Variants in FNIP2 observed in about 807,000 individuals in gnomAD.
FNIP2 encodes the protein folliculin interacting protein 2, also known as folliculin-interacting protein 2.
FNIP2 carries 32 observed loss-of-function variants against 108.7 expected under a neutral mutation model. The observed-to-expected ratio is 0.29, with a 90% CI of 0.22 to 0.40. FNIP2 has a LOEUF of 0.40. FNIP2 is among the 10% of genes least tolerant of loss of function. FNIP2 has a pLI of 1.00. For synonymous variants in FNIP2, 480 were observed against 496.7 expected, an observed-to-expected ratio of 0.97 and a Z score of 0.45; for missense variants, 1,202 against 1,381.6, an observed-to-expected ratio of 0.87 and a Z score of 2.06.
intron 14 of FNIP2, among the ~76,000 whole-genome samples, chr4:158,881,352 G>GTCTCCC (rs564481604): frequency 0.018 from 2,187 of 122,184 alleles, 133 homozygotes; most frequent in Non-Finnish European, 0.028. Flanking sequence ...TCTTTCCACG[G>GTCTCCC]TCTCCCTCTC....
chr4:158,775,376 T>A (rs1037488825), intron 1 of FNIP2, among the ~76,000 whole-genome samples: 2 of 152,226 alleles, frequency 1.3e-5, no homozygotes, highest in Non-Finnish European at 2.9e-5. Flanking sequence ...GAGTTCCTAC[T>A]TACCAAGCAT....
chr4:158,893,621 A>G, intron 15 of FNIP2: 1 of 1,258,706 alleles, frequency 7.9e-7, no homozygotes, highest in Non-Finnish European at 1.1e-6. Context: ...GCACTTGTGG[A>G]TTATTATGAT....
rs1778332923 is a variant in FNIP2, at chr4:158,829,277, G to C, written c.381+52G>C. ...GCCCCTGAGGTTAAAGTTATTTACT[G>C]TAATTTCTCCTTGGGAAATAATGCC... On this transcript the variant is annotated intron_variant, in intron 3 of 16. Coordinates refer to ENST00000264433, the MANE Select transcript of FNIP2 (RefSeq NM_020840.3). The C allele has an allele frequency of 4.1e-6, 6 of 1,463,300 alleles. No individual in the cohort carries two copies. In the South Asian group the frequency reaches 8.4e-5, roughly 20 times the overall value. The allele number at this position is 1,463,300 out of a possible 1,614,324, so 90.6% of individuals were successfully genotyped here. A position where few individuals can be genotyped will look rare whatever the true frequency, so the allele number is the denominator to read the frequency against.
chr4:158,872,747 T>C, intron 14 of FNIP2: 1 of 980,822 alleles, frequency 1.0e-6, no homozygotes, highest in African/African-American at 1.8e-5. Context: ...TTTTTTTTTT[T>C]TTTTAAAAAA....
At chr4:158,819,510 T>TA (rs1777761904) in intron 1 of FNIP2, among the ~76,000 whole-genome samples, 1 of 152,260 alleles carries the variant, frequency 6.6e-6, no homozygotes, top group African/African-American at 2.4e-5. Flanking sequence ...GGTGATTTTT[T>TA]ATGCAGTTCC....
intron 14 of FNIP2, 115 bp downstream of exon 14, chr4:158,870,584 G>A (rs903636648): frequency 1.5e-6 from 2 of 1,342,142 alleles, no homozygotes; most frequent in African/African-American, 1.5e-5. Flanking sequence ...TTATGGAGAT[G>A]TGGGCAGGGT....
intron 2 of FNIP2, among the ~76,000 whole-genome samples, chr4:158,826,955 G>A (rs1456421046): frequency 6.6e-6 from 1 of 152,168 alleles, no homozygotes; most frequent in African/African-American, 2.4e-5. Context: ...AGTTTATAAC[G>A]CAGTCTTTGT....
At chr4:158,843,521 G>A (rs1779236432) in intron 7 of FNIP2, among the ~76,000 whole-genome samples, 1 of 152,178 alleles carries the variant, frequency 6.6e-6, no homozygotes, top group Non-Finnish European at 1.5e-5. Flanking sequence ...TTCAATAAAG[G>A]AGAGACAGAT....
At chr4:158,828,191 A>G (rs1456562137) in intron 2 of FNIP2, among the ~76,000 whole-genome samples, 1 of 152,222 alleles carries the variant, frequency 6.6e-6, no homozygotes, top group Non-Finnish European at 1.5e-5. Context: ...TTTGAAGACC[A>G]TATTTCCATC....
intron 1 of FNIP2, among the ~76,000 whole-genome samples, chr4:158,797,914 C>T (rs1776640387): frequency 1.3e-5 from 2 of 152,238 alleles, no homozygotes; most frequent in South Asian, 4.1e-4. Context: ...TCTCCCACAC[C>T]ACTGGGAGAC....
At chr4:158,860,230 A>C (rs1250050937) in intron 10 of FNIP2, among the ~76,000 whole-genome samples, 1 of 152,186 alleles carries the variant, frequency 6.6e-6, no homozygotes, top group Non-Finnish European at 1.5e-5. Flanking sequence ...TGCACCATTT[A>C]GAGCCACTTT....
Position 158,769,233 on chromosome 4 carries a change from G to C in FNIP2, c.21G>C (p.Gln7His). 1 of 1,520,458 alleles carries C rather than the reference G, an allele frequency of 6.6e-7. No homozygotes were observed. The highest frequency in any genetic ancestry group is 1.2e-5 in the South Asian group (1 of 82,568). The allele number at this position is 1,520,458 out of a possible 1,614,324, so 94.2% of individuals were successfully genotyped here. ...GCATCATGGCCCCGACCCTGCTCCA[G>C]AAGCTCTTCAACAAAAGGGGCAGCA... MAPTLLQKLFNKRGSSG... is the reference protein window; with the variant it reads MAPTLLHKLFNKRGSSG... Residue 7 changes from glutamine (Q) to histidine (H), a missense_variant, in exon 1 of 17, where the codon CAG becomes CAC. Physicochemically the swap from Gln to His is conservative, Grantham distance 24. Transcript: ENST00000264433.
rs545261954 is a variant in FNIP2, at chr4:158,789,928, T to C, written c.107+20609T>C. Reference sequence around the variant, plus strand: ...GCTGTGATTCTCTTGTTTAAAGCCATTAAAGGTTTGGAGTAGTACAAGAGT... The same window carrying C: ...GCTGTGATTCTCTTGTTTAAAGCCACTAAAGGTTTGGAGTAGTACAAGAGT... On this transcript the variant is annotated intron_variant, in intron 1 of 16. Transcript: ENST00000264433. 4.6e-5 allele frequency among the ~76,000 whole-genome samples: 7 copies of C among 152,166 alleles called. No individual in the cohort carries two copies. In the South Asian group the frequency reaches 1.5e-3, roughly 32 times the overall value.
intron 14 of FNIP2, among the ~76,000 whole-genome samples, chr4:158,877,151 C>T (rs1335926709): frequency 3.3e-5 from 5 of 152,160 alleles, no homozygotes; most frequent in African/African-American, 9.7e-5. Flanking sequence ...TCTCAACTTC[C>T]GACTGAATTT....
At chr4:158,795,681 G>T (rs2126462646) in intron 1 of FNIP2, among the ~76,000 whole-genome samples, 1 of 152,280 alleles carries the variant, frequency 6.6e-6, no homozygotes, top group East Asian at 1.9e-4. Flanking sequence ...AGAGCAGCGG[G>T]CAAGGGAGCG....
chr4:158,826,100 T>G (rs1778140555), intron 2 of FNIP2, 58 bp downstream of exon 2: 27 of 1,563,864 alleles, frequency 1.7e-5, no homozygotes, highest in Non-Finnish European at 2.3e-5. Context: ...ACCCTTCTGA[T>G]CAATCATTTA....
chr4:158,892,739 T>C (rs1342593972), intron 15 of FNIP2, among the ~76,000 whole-genome samples: 1 of 152,068 alleles, frequency 6.6e-6, no homozygotes, highest in Non-Finnish European at 1.5e-5. Flanking sequence ...TGCTGTTCCC[T>C]CCTGTCTGCA....
Position 158,851,361 on chromosome 4 carries a change from A to C in FNIP2, c.768A>C (p.Pro256=). 6.2e-7 allele frequency: 1 copy of C among 1,613,940 alleles called. No individual in the cohort carries two copies. Among genetic ancestry groups the C allele is most frequent in the South Asian group, 1.1e-5 (1 of 91,072 alleles). ...TTTTGATCACACCTTTCCCATCTCC[A>C]AGCTCCTCTACATCTTCTTCCAGCA... The part of the protein sequence containing the change: ...SSLLITPFPS[P]SSSTSSSSSY... Residue 256 remains proline (P), a synonymous_variant, in exon 8 of 17, where the codon CCA becomes CCC. Coordinates refer to ENST00000264433, the MANE Select transcript of FNIP2 (RefSeq NM_020840.3).
At chr4:158,846,061 A>C (rs1339721892) in intron 7 of FNIP2, among the ~76,000 whole-genome samples, 2 of 152,154 alleles carry the variant, frequency 1.3e-5, no homozygotes, top group African/African-American at 4.8e-5. Flanking sequence ...TACTTGGCCC[A>C]CCTTTTCCGA....
Sources: allele counts gnomAD v4.1 joint callset (sites outside exome capture counted in the v4.1 genomes callset), GRCh38; gene constraint gnomAD v4.1.1; transcripts MANE v1.5; gene names NCBI Gene and HGNC (gene_info 2026-07-23, HGNC 2026-07-21).